Variants in MAT2B observed in about 807,000 individuals in gnomAD.
The protein encoded by MAT2B is methionine adenosyltransferase 2 subunit beta.
Under a neutral mutation model 36.1 loss-of-function variants are expected in MAT2B, and 16 were observed. That is an observed-to-expected ratio of 0.44 (90% CI 0.30 to 0.67). MAT2B has a LOEUF of 0.67. Ranked by LOEUF, MAT2B falls within the 30% of genes least tolerant of loss-of-function variation. MAT2B has a pLI of 0.09. For synonymous variants in MAT2B, 148 were observed against 136.9 expected (o/e 1.08, Z -0.57); for missense variants, 332 against 398.2 (o/e 0.83, Z 1.42).
intron 1 of MAT2B, among the ~76,000 whole-genome samples, chr5:163,506,012 C>G: frequency 4.6e-5 from 7 of 152,252 alleles, no homozygotes; most frequent in Admixed American, 4.6e-4. Flanking sequence ...CGAGTTCTGT[C>G]TCTGCTCCTG....
Position 163,512,115 on chromosome 5 carries a change from T to C in MAT2B, c.177T>C (p.Gly59=). ...QQNNWHAVGC[G]FRRARPKFEQ... ...ATAATTGGCATGCAGTTGGCTGTGG[T>C]TTCAGAAGAGCAAGACCAAAATTTG... The change falls in exon 2 of 7, where the codon GGT becomes GGC. Residue 59 remains glycine, a synonymous_variant. Coordinates refer to ENST00000321757, the MANE Select transcript of MAT2B (RefSeq NM_013283.5). 1 of 1,614,198 alleles carries C rather than the reference T, an allele frequency of 6.2e-7. No individual in the cohort carries two copies. The highest frequency in any genetic ancestry group is 8.5e-7 in the Non-Finnish European group (1 of 1,180,014).
At chr5:163,515,736 A>G (rs1049664182) in intron 4 of MAT2B, among the ~76,000 whole-genome samples, 1 of 151,222 alleles carries the variant, frequency 6.6e-6, no homozygotes, top group South Asian at 2.1e-4. Flanking sequence ...TCCAAATGAC[A>G]GAAGATACTT....
At chr5:163,503,096 G>A, upstream of MAT2B, 1 of 368,846 alleles carries the variant, frequency 2.7e-6, no homozygotes, top group Non-Finnish European at 4.9e-6. Context: ...TAAGTAGTTA[G>A]TTCTACCAAA....
At chr5:163,505,830 A>T (rs1165357862) in intron 1 of MAT2B, 81 bp downstream of exon 1, 6 of 1,122,674 alleles carry the variant, frequency 5.3e-6, no homozygotes, top group Admixed American at 4.2e-5. Flanking sequence ...GCGGCTTTGC[A>T]GGCGTATTCC....
chr5:163,505,127 C>T (rs2113546982), upstream of MAT2B, among the ~76,000 whole-genome samples: 1 of 151,970 alleles, frequency 6.6e-6, no homozygotes, highest in African/African-American at 2.4e-5. Flanking sequence ...GCTCAGACGC[C>T]AACCCTTTTA....
At chr5:163,511,887 A>G in intron 1 of MAT2B, 115 bp from the exon 2 acceptor site, 1 of 769,000 alleles carries the variant, frequency 1.3e-6, no homozygotes, top group Non-Finnish European at 2.1e-6. Flanking sequence ...CAGATATGGG[A>G]CATGAGTCAA....
intron 2 of MAT2B, chr5:163,512,722 C>G (rs1253846888): frequency 6.6e-6 from 3 of 452,774 alleles, no homozygotes; most frequent in Non-Finnish European, 1.3e-5. Flanking sequence ...GGTTTGTTGC[C>G]CAGGCTGGAG....
At chr5:163,505,476 G>C (rs1212164114), upstream of MAT2B, 12 of 1,210,732 alleles carry the variant, frequency 9.9e-6, no homozygotes, top group Non-Finnish European at 2.1e-6. Flanking sequence ...CGTGGGCTGG[G>C]GGCAGACCGC....
intron 6 of MAT2B, 142 bp downstream of exon 6, chr5:163,517,816 TATC>T (rs1760156501): frequency 1.7e-6 from 1 of 575,126 alleles, no homozygotes; most frequent in African/African-American, 1.9e-5. Flanking sequence ...TTCTCTAAAT[TATC>T]ATCTGTAGAG....
At chr5:163,503,392 G>A (rs80167081), upstream of MAT2B, 6 of 1,613,900 alleles carry the variant, frequency 3.7e-6, no homozygotes, top group African/African-American at 8.0e-5. Flanking sequence ...TAATTCTGGA[G>A]TCATGCCTGA....
intron 1 of MAT2B, among the ~76,000 whole-genome samples, chr5:163,510,275 A>G (rs540615282): frequency 2.1e-4 from 32 of 151,360 alleles, no homozygotes; most frequent in African/African-American, 7.5e-4. Flanking sequence ...TAGAATTTAA[A>G]TTTTTTCCTA....
intron 1 of MAT2B, among the ~76,000 whole-genome samples, chr5:163,506,916 T>G (rs1305302770): frequency 6.6e-6 from 1 of 152,224 alleles, no homozygotes; most frequent in Admixed American, 6.5e-5. Context: ...GAATTAAAGC[T>G]TACTGACTCA....
At chr5:163,509,258 G>A (rs989568383) in intron 1 of MAT2B, among the ~76,000 whole-genome samples, 2 of 141,406 alleles carry the variant, frequency 1.4e-5, no homozygotes, top group African/African-American at 6.4e-5. Flanking sequence ...TAACTTTTGT[G>A]GATTGTATAA....
At chr5:163,512,820 A>G (rs1760068006) in intron 2 of MAT2B, 7 of 367,206 alleles carry the variant, frequency 1.9e-5, no homozygotes, top group South Asian at 1.4e-4. Flanking sequence ...ACCTGAGACT[A>G]CAGGCATGCG....
intron 1 of MAT2B, among the ~76,000 whole-genome samples, chr5:163,508,089 A>G (rs1407385753): frequency 2.0e-5 from 3 of 152,204 alleles, no homozygotes; most frequent in Non-Finnish European, 1.5e-5. Flanking sequence ...AGTTCACAGG[A>G]TTGAGACAAA....
intron 1 of MAT2B, among the ~76,000 whole-genome samples, chr5:163,506,812 C>G (rs566035521): frequency 6.6e-6 from 1 of 150,882 alleles, no homozygotes; most frequent in African/African-American, 2.4e-5. Context: ...AAAAGAAGTT[C>G]AGTATAAAAA....
intron 5 of MAT2B, 103 bp from the exon 6 acceptor site, chr5:163,517,458 C>T (rs2113563497): frequency 1.7e-6 from 1 of 585,450 alleles, no homozygotes; most frequent in Admixed American, 2.7e-5. Context: ...AGAGGGTTGC[C>T]TTTTAGTTCC....
At chr5:163,513,160 A>T (rs1760073683) in intron 2 of MAT2B, 1 of 170,724 alleles carries the variant, frequency 5.9e-6, no homozygotes, top group Admixed American at 5.7e-5. Flanking sequence ...TGATTTTTAA[A>T]TTTTTTTGTA....
intron 4 of MAT2B, among the ~76,000 whole-genome samples, chr5:163,515,770 C>CTTTTTTTTTTTTTTTTTTTT (rs66978639): frequency 1.4e-5 from 1 of 69,778 alleles, no homozygotes; most frequent in Non-Finnish European, 2.4e-5. Flanking sequence ...TTGCCTTTTT[C>CTTTTTTTTTTTTTTTTTTTT]TTTTTTTTTT....
Sources: allele counts gnomAD v4.1 joint callset (sites outside exome capture counted in the v4.1 genomes callset), GRCh38; gene constraint gnomAD v4.1.1; transcripts MANE v1.5; gene names NCBI Gene and HGNC (gene_info 2026-07-23, HGNC 2026-07-21).